The following PALM2AKAP2 variants were observed in gnomAD, a reference collection of about 807,000 sequenced individuals.
PALM2AKAP2 encodes PALM2 and AKAP2 fusion, also known as PALM2-AKAP2 fusion protein.
A neutral mutation model predicts 71.5 loss-of-function variants in PALM2AKAP2; 37 were observed. The observed-to-expected ratio is 0.52, with a 90% CI of 0.40 to 0.68. The LOEUF is 0.68. PALM2AKAP2 is among the 30% of genes least tolerant of loss of function. The pLI, the probability that PALM2AKAP2 is intolerant of heterozygous loss-of-function variation, is 0.00. For missense variants in PALM2AKAP2, 1,224 were observed against 1,191.8 expected, an observed-to-expected ratio of 1.03 and a Z score of -0.40; for synonymous variants, 468 against 478.8, an observed-to-expected ratio of 0.98 and a Z score of 0.29.
intron 1 of PALM2AKAP2, among the ~76,000 whole-genome samples, chr9:109,642,426 A>T (rs1827084094): frequency 6.6e-6 from 1 of 150,710 alleles, no homozygotes; most frequent in South Asian, 2.2e-4. Flanking sequence ...TATGAATATT[A>T]TCTATTATTA....
intron 1 of PALM2AKAP2, among the ~76,000 whole-genome samples, chr9:109,679,025 T>C (rs1409368863): frequency 1.3e-5 from 2 of 152,190 alleles, no homozygotes; most frequent in Non-Finnish European, 2.9e-5. Flanking sequence ...TGAATAATTA[T>C]TTTAGAAATC....
At chr9:109,782,591 A>G (rs949909312) in intron 1 of PALM2AKAP2, among the ~76,000 whole-genome samples, 1 of 152,126 alleles carries the variant, frequency 6.6e-6, no homozygotes, top group Non-Finnish European at 1.5e-5. Context: ...GGAGGATGTG[A>G]GTAGGTTATA....
chr9:109,649,890 A>G (rs1827202425), intron 1 of PALM2AKAP2, among the ~76,000 whole-genome samples: 2 of 152,214 alleles, frequency 1.3e-5, no homozygotes, highest in African/African-American at 2.4e-5. Flanking sequence ...CACATATCCC[A>G]GCTTACTGAG....
intron 1 of PALM2AKAP2, among the ~76,000 whole-genome samples, chr9:109,842,150 G>C (rs1828713612): frequency 6.6e-6 from 1 of 152,130 alleles, no homozygotes; most frequent in Admixed American, 6.5e-5. Context: ...TTCCCTAAGA[G>C]GGTTGTTGTG....
intron 2 of PALM2AKAP2, among the ~76,000 whole-genome samples, chr9:110,155,395 G>T (rs1379823358): frequency 1.3e-5 from 2 of 152,300 alleles, no homozygotes; most frequent in Non-Finnish European, 2.9e-5. Context: ...TCTCAGAAGT[G>T]CATTTGGGGC....
exon 4 of PALM2AKAP2, chr9:110,170,835 T>G (rs1587890046): frequency 6.6e-6 from 1 of 152,442 alleles, no homozygotes; most frequent in East Asian, 1.9e-4. Context: ...AGGTCCCAGA[T>G]GCCTGGGCTG....
chr9:109,693,340 A>T (rs1016555311), intron 1 of PALM2AKAP2, among the ~76,000 whole-genome samples: 2 of 151,788 alleles, frequency 1.3e-5, no homozygotes, highest in African/African-American at 2.4e-5. Flanking sequence ...AATATTGGTA[A>T]TTTGTCTGCT....
At chr9:109,781,168 A>G (rs1251874508) in intron 1 of PALM2AKAP2, among the ~76,000 whole-genome samples, 1 of 152,218 alleles carries the variant, frequency 6.6e-6, no homozygotes, top group African/African-American at 2.4e-5. Flanking sequence ...TTTTCAGCCT[A>G]CAAAGGAGTA....
intron 1 of PALM2AKAP2, among the ~76,000 whole-genome samples, chr9:109,685,728 A>G (rs543961055): frequency 2.0e-5 from 3 of 152,134 alleles, no homozygotes; most frequent in Non-Finnish European, 2.9e-5. Flanking sequence ...CTGACTGATC[A>G]GGATGGTGGT....
intron 1 of PALM2AKAP2, among the ~76,000 whole-genome samples, chr9:110,071,924 GCTAT>G: frequency 6.6e-6 from 1 of 152,114 alleles, no homozygotes; most frequent in African/African-American, 2.4e-5. Context: ...CAAACACTTG[GCTAT>G]CTGTGATTTT....
At chr9:110,057,321 C>T (rs1165618579) in intron 1 of PALM2AKAP2, among the ~76,000 whole-genome samples, 1 of 151,264 alleles carries the variant, frequency 6.6e-6, no homozygotes, top group African/African-American at 2.4e-5. Flanking sequence ...AGGGGTCCCA[C>T]AGCTACATAA....
chr9:110,090,863 G>A (rs562751878), intron 1 of PALM2AKAP2, among the ~76,000 whole-genome samples: 1 of 152,152 alleles, frequency 6.6e-6, no homozygotes, highest in East Asian at 1.9e-4. Flanking sequence ...CAGCCCCTTA[G>A]TAATAATGTT....
In PALM2AKAP2 at chr9:110,117,975, G is replaced by C. The variant is rs62578879; in HGVS notation, c.157-18152G>C. On this transcript the variant is annotated intron_variant, in intron 1 of 3. Coordinates refer to ENST00000374525, the Ensembl canonical transcript of PALM2AKAP2. ...TACATATATATATATATGTCGTTTT[G>C]TGTGTGTGTGTGTGTGTGTGTGTGT... Among the ~76,000 whole-genome samples the C allele has an allele frequency of 2.4e-5, 3 of 126,056 alleles. No individual in the cohort carries two copies. In the South Asian group the frequency reaches 7.3e-4, roughly 31 times the overall value. The allele number at this position is 126,056 out of a possible 152,430, so 82.7% of individuals were successfully genotyped here.
At position 110,021,683 on chromosome 9, in the gene PALM2AKAP2, C is replaced by T. The variant is rs924250851; in HGVS notation, c.582+5644C>T. Among the ~76,000 whole-genome samples, 4 of 151,196 alleles carry T rather than the reference C, an allele frequency of 2.6e-5. No individual in the cohort carries two copies. The East Asian group carries it at 7.7e-4, about 29-fold the overall frequency. ...CTGGAAGAAAAGGGTAGCTGTATCT[C>T]AGAATAGCTTCTATTTTATATCCTA... On this transcript the variant is annotated intron_variant, in intron 7 of 9. Coordinates refer to the PALM2AKAP2 transcript ENST00000302798.
chr9:109,872,867 G>T (rs1353609458), intron 2 of PALM2AKAP2, among the ~76,000 whole-genome samples: 1 of 152,132 alleles, frequency 6.6e-6, no homozygotes, highest in Non-Finnish European at 1.5e-5. Flanking sequence ...GAACAGATAG[G>T]CACAGTACAC....
intron 1 of PALM2AKAP2, among the ~76,000 whole-genome samples, chr9:110,119,340 T>TA (rs1564315303): frequency 1.2e-5 from 1 of 84,798 alleles, no homozygotes; most frequent in Non-Finnish European, 2.2e-5. Context: ...AGACTCCATC[T>TA]CAAAAAAAAA....
intron 6 of PALM2AKAP2, among the ~76,000 whole-genome samples, chr9:109,985,260 A>G (rs1274526874): frequency 6.6e-6 from 1 of 152,294 alleles, no homozygotes; most frequent in African/African-American, 2.4e-5. Context: ...TATCTGTATG[A>G]TATCCCTGCA....
At chr9:110,034,848 C>T (rs1833352587) in intron 7 of PALM2AKAP2, among the ~76,000 whole-genome samples, 1 of 151,198 alleles carries the variant, frequency 6.6e-6, no homozygotes, top group African/African-American at 2.4e-5. Flanking sequence ...CGTGAACTGC[C>T]CTCCTCCGCC....
In PALM2AKAP2 at chr9:109,736,685, T is replaced by C. The variant is rs2118673797; in HGVS notation, c.6-43803T>C. On this transcript the variant is annotated intron_variant, in intron 1 of 6. Transcript: ENST00000374531. ...CGCGTAGTGGTGACATCTGGGCTTT[T>C]AGTGTACCCATCACGTGAATAGTGA... Among the ~76,000 whole-genome samples, 4 of 152,326 alleles carry C rather than the reference T, an allele frequency of 2.6e-5. No individual in the cohort carries two copies. In the Middle Eastern group the frequency reaches 0.01, roughly 389 times the overall value.
Sources: gnomAD v4.1 joint callset for allele counts (sites outside exome capture counted in the v4.1 genomes callset) on GRCh38, gnomAD v4.1.1 for gene constraint, MANE v1.5 for transcripts, NCBI Gene and HGNC (gene_info 2026-07-23, HGNC 2026-07-21) for gene names.